CCDC178: variants seen among roughly 807,000 people sequenced by gnomAD.
The protein encoded by CCDC178 is coiled-coil domain-containing protein 178.
Under a neutral mutation model 117.4 loss-of-function variants are expected in CCDC178, and 126 were observed. The observed-to-expected ratio is 1.07, with a 90% CI of 0.93 to 1.24. The LOEUF (loss-of-function observed/expected upper bound fraction) is 1.24. Among genes scored for constraint, CCDC178 ranks in the 50% most tolerant of loss-of-function variants. CCDC178 has a pLI of 0.00. For missense variants in CCDC178, 1,030 were observed against 986.9 expected (o/e 1.04, Z -0.59); for synonymous variants, 283 against 313.4 (o/e 0.90, Z 1.02).
intron 20 of CCDC178, among the ~76,000 whole-genome samples, chr18:33,202,468 T>G (rs1424423673): frequency 7.0e-6 from 1 of 143,864 alleles, no homozygotes; most frequent in Admixed American, 6.9e-5. Flanking sequence ...GAAAATTCAG[T>G]CGTCAAAAGT....
At chr18:32,974,019 G>A (rs1474969916) in intron 22 of CCDC178, among the ~76,000 whole-genome samples, 1 of 152,008 alleles carries the variant, frequency 6.6e-6, no homozygotes, top group Non-Finnish European at 1.5e-5. Context: ...TGTTTTTATT[G>A]AAACAAGGAG....
chr18:33,119,060 T>C (rs1310031483), intron 20 of CCDC178, among the ~76,000 whole-genome samples: 1 of 152,108 alleles, frequency 6.6e-6, no homozygotes, highest in African/African-American at 2.4e-5. Flanking sequence ...AAGACTTAAA[T>C]GTTAGACCTA....
At chr18:33,437,552 C>A (rs1328937122) in intron 2 of CCDC178, 2 of 152,176 alleles carry the variant, frequency 1.3e-5, no homozygotes, top group African/African-American at 4.8e-5. Flanking sequence ...CCTCTGTTCA[C>A]ACACACATTC....
rs8089181 is a variant in CCDC178 at position 33,291,309 on chromosome 18, T to C, written c.1176+1850A>G. Among the ~76,000 whole-genome samples the C allele has an allele frequency of 7.3e-3, 1,109 of 152,222 alleles. 8 individuals carry two copies. The highest frequency in any genetic ancestry group is 0.025 in the African/African-American group (1,059 of 41,548). The stretch of plus-strand genomic sequence containing the variant: ...AATGAAAAAAGGTTGGGTAAATATA[T>C]TTTTAACATTTGTAACTAGAAAATA... On this transcript the variant is annotated intron_variant, in intron 12 of 22. Transcript: ENST00000383096.
chr18:33,269,220 T>C (rs772134160), intron 12 of CCDC178, among the ~76,000 whole-genome samples: 68 of 151,826 alleles, frequency 4.5e-4, no homozygotes, highest in Non-Finnish European at 8.7e-4. Context: ...TTACAGGCAA[T>C]TGATAAACTC....
intron 2 of CCDC178, among the ~76,000 whole-genome samples, chr18:33,433,285 T>G (rs987941125): frequency 2.0e-5 from 3 of 152,198 alleles, no homozygotes; most frequent in Non-Finnish European, 4.4e-5. Context: ...CTAAATGATC[T>G]TCCTCAAAAT....
At chr18:33,337,359 C>A (rs551660244) in intron 9 of CCDC178, among the ~76,000 whole-genome samples, 3 of 152,172 alleles carry the variant, frequency 2.0e-5, no homozygotes, top group African/African-American at 4.8e-5. Context: ...CAAACAGCAG[C>A]AGTTTGACTT....
intron 11 of CCDC178, chr18:33,323,137 C>G (rs973616566): frequency 1.2e-4 from 18 of 153,946 alleles, no homozygotes; most frequent in African/African-American, 4.3e-4. Flanking sequence ...TTTATTGATA[C>G]CTAATTAGTT....
At chr18:33,072,426 T>C (rs2057125605) in intron 21 of CCDC178, among the ~76,000 whole-genome samples, 1 of 152,090 alleles carries the variant, frequency 6.6e-6, no homozygotes, top group African/African-American at 2.4e-5. Context: ...TAATATGCAA[T>C]AGCCACTATG....
At chr18:33,390,666 T>C (rs1295145277) in intron 4 of CCDC178, among the ~76,000 whole-genome samples, 1 of 152,056 alleles carries the variant, frequency 6.6e-6, no homozygotes, top group Non-Finnish European at 1.5e-5. Context: ...AAATAACAGT[T>C]GCCTATAGTA....
intron 11 of CCDC178, among the ~76,000 whole-genome samples, chr18:33,301,375 G>A (rs908437209): frequency 6.6e-6 from 1 of 152,240 alleles, no homozygotes; most frequent in African/African-American, 2.4e-5. Context: ...GAAAATGGCA[G>A]AGGAAAATAT....
intron 14 of CCDC178, 27 bp from the exon 15 acceptor site, chr18:33,245,455 T>C: frequency 2.1e-6 from 3 of 1,458,134 alleles, no homozygotes; most frequent in Non-Finnish European, 2.7e-6. Flanking sequence ...AAAATTAATA[T>C]TATTGAGTAT....
Position 33,354,359 on chromosome 18 carries a change from T to C in CCDC178, c.371+1965A>G, listed in dbSNP as rs575655064. Among the ~76,000 whole-genome samples the C allele has an allele frequency of 5.3e-5, 8 of 152,290 alleles. No homozygotes were observed. The South Asian group carries it at 1.7e-3, about 32-fold the overall frequency. ...ATTGAAGAGTTTCTTAGCCATTGTT[T>C]CTTCAAATATTTTTTCATTCTCTAG... On this transcript the variant is annotated intron_variant, in intron 7 of 22. Transcript: ENST00000383096.
At chr18:33,044,270 T>C (rs917087351) in intron 21 of CCDC178, among the ~76,000 whole-genome samples, 2 of 151,994 alleles carry the variant, frequency 1.3e-5, no homozygotes, top group African/African-American at 4.8e-5. Context: ...GGAAAAACAT[T>C]CTAGGCTCAT....
At position 33,241,429 on chromosome 18, in the gene CCDC178, CGTGTGTGTGTGTGT is replaced by C. The variant is rs60878431; in HGVS notation, c.1593+3802_1593+3815del. On this transcript the variant is annotated intron_variant, in intron 15 of 22. Transcript: ENST00000383096. Reference sequence around the variant, plus strand: ...TGACCCTCTTTGCAGATTATATGATCGTGTGTGTGTGTGTGTGTGTGTGTGTGTGTGTGTGTGTG... The same window carrying C: ...TGACCCTCTTTGCAGATTATATGATCGTGTGTGTGTGTGTGTGTGTGTGTG... Among the ~76,000 whole-genome samples, 228 of 145,014 alleles carry C rather than the reference CGTGTGTGTGTGTGT, an allele frequency of 1.6e-3. 1 individual carries two copies. Among genetic ancestry groups the C allele is most frequent in the African/African-American group, 3.7e-3 (146 of 39,524 alleles).
chr18:33,372,948 T>G (rs1440905289), intron 5 of CCDC178, among the ~76,000 whole-genome samples: 2 of 152,168 alleles, frequency 1.3e-5, no homozygotes, highest in African/African-American at 4.8e-5. Flanking sequence ...GGAAAAACTC[T>G]GCTGAAGGCA....
At chr18:33,405,193 A>C (rs2063763860) in intron 3 of CCDC178, among the ~76,000 whole-genome samples, 1 of 151,966 alleles carries the variant, frequency 6.6e-6, no homozygotes, top group Non-Finnish European at 1.5e-5. Flanking sequence ...AATTATGATA[A>C]AGAAGACTGA....
At chr18:33,119,284 A>G (rs185217307) in intron 20 of CCDC178, among the ~76,000 whole-genome samples, 104 of 152,344 alleles carry the variant, frequency 6.8e-4, no homozygotes, top group Middle Eastern at 3.4e-3. Flanking sequence ...TTTGCAATTT[A>G]CTTATCTGAC....
At chr18:33,377,396 C>T (rs1336266354) in intron 5 of CCDC178, among the ~76,000 whole-genome samples, 2 of 140,814 alleles carry the variant, frequency 1.4e-5, no homozygotes, top group Non-Finnish European at 3.2e-5. Flanking sequence ...TGTAGGTTGC[C>T]TGTTTACTCT....
Sources: gnomAD v4.1 joint callset for allele counts (sites outside exome capture counted in the v4.1 genomes callset) on GRCh38, gnomAD v4.1.1 for gene constraint, MANE v1.5 for transcripts, NCBI Gene and HGNC (gene_info 2026-07-23, HGNC 2026-07-21) for gene names.